Variants in FRY observed in about 807,000 individuals in gnomAD.
FRY encodes the protein FRY microtubule binding protein.
In FRY, 128 loss-of-function variants were observed where a neutral mutation model predicts 348.4. The observed-to-expected ratio is 0.37, with a 90% CI of 0.32 to 0.43. The LOEUF is 0.43. Among genes scored for constraint, FRY ranks in the 20% least tolerant of loss-of-function variants. The pLI is 1.00. For synonymous variants in FRY, 1,370 were observed against 1,374.7 expected, an observed-to-expected ratio of 1.00 and a Z score of 0.08; for missense variants, 2,736 against 3,695.2, an observed-to-expected ratio of 0.74 and a Z score of 6.73.
intron 11 of FRY, among the ~76,000 whole-genome samples, chr13:32,139,177 T>C (rs1879902558): frequency 6.6e-6 from 1 of 152,164 alleles, no homozygotes; most frequent in South Asian, 2.1e-4. Context: ...CTTCCAAACC[T>C]CTTGAGTCCT....
At position 32,208,918 on chromosome 13, in the gene FRY, C is replaced by T. The variant is rs760582119; in HGVS notation, c.4084C>T (p.Pro1362Ser). 3 of 1,614,188 alleles carry T rather than the reference C, an allele frequency of 1.9e-6. No homozygotes were observed. The highest frequency in any genetic ancestry group is 4.5e-5 in the East Asian group (2 of 44,880). The change falls in exon 32 of 61, where the codon CCC becomes TCC. Residue 1362 changes from proline (P) to serine (S), a missense_variant. Physicochemically the swap from Pro to Ser is moderately conservative, Grantham distance 74 (BLOSUM62 -1). Transcript: ENST00000542859. Reference sequence around the variant, plus strand: ...CCAGATCATGCTTACCTACCTGCTGCCCTGGCTGCACAACATCGAGCTGGT... The same window carrying T: ...CCAGATCATGCTTACCTACCTGCTGTCCTGGCTGCACAACATCGAGCTGGT... ...GRQIMLTYLL[P>S]WLHNIELVDS...
chr13:32,033,358 T>G (rs1872342096), intron 1 of FRY, among the ~76,000 whole-genome samples: 1 of 152,132 alleles, frequency 6.6e-6, no homozygotes, highest in Non-Finnish European at 1.5e-5. Context: ...CAGTACGTGG[T>G]TTTTAAACAT....
At chr13:32,223,988 C>A (rs1885450577) in intron 36 of FRY, among the ~76,000 whole-genome samples, 1 of 152,066 alleles carries the variant, frequency 6.6e-6, no homozygotes, top group African/African-American at 2.4e-5. Flanking sequence ...CCACCCACCT[C>A]AGCCTCCCAA....
intron 59 of FRY, among the ~76,000 whole-genome samples, chr13:32,290,608 G>A (rs1302743517): frequency 6.6e-6 from 1 of 152,120 alleles, no homozygotes; most frequent in Non-Finnish European, 1.5e-5. Flanking sequence ...CATAAGACAT[G>A]CCGCACCTAG....
chr13:32,157,839 G>T (rs983089476), intron 16 of FRY, among the ~76,000 whole-genome samples: 4 of 152,146 alleles, frequency 2.6e-5, no homozygotes, highest in African/African-American at 9.7e-5. Flanking sequence ...AGCATGCGTA[G>T]CTTCAAATGT....
intron 22 of FRY, 91 bp downstream of exon 22, chr13:32,179,124 C>A: frequency 1.1e-6 from 1 of 904,844 alleles, no homozygotes; most frequent in Admixed American, 2.0e-5. Flanking sequence ...ACTGTGCCTG[C>A]CATCTGGAGT....
In FRY at chr13:32,131,608, G is replaced by A. The variant is rs1267930722; in HGVS notation, c.717-64G>A. On this transcript the variant is annotated intron_variant, in intron 7 of 60. Coordinates refer to ENST00000542859, the MANE Select transcript of FRY (RefSeq NM_023037.3). Reference sequence around the variant, plus strand: ...TCTGCTCAATCACTCCCAGATGCTGGAGGCCCCCATTACAGGGACTTTCCT... The same window carrying A: ...TCTGCTCAATCACTCCCAGATGCTGAAGGCCCCCATTACAGGGACTTTCCT... 8.1e-6 allele frequency: 9 copies of A among 1,112,382 alleles called. No homozygotes were observed. The Admixed American group carries it at 1.5e-4, about 19-fold the overall frequency. The allele number at this position is 1,112,382 out of a possible 1,614,324, so 68.9% of individuals were successfully genotyped here.
intron 14 of FRY, 102 bp downstream of exon 14, chr13:32,149,936 A>G: frequency 1.3e-6 from 1 of 755,592 alleles, no homozygotes; most frequent in Non-Finnish European, 2.4e-6. Context: ...TCTTCTCACA[A>G]AGTCTTCTAT....
chr13:32,151,383 A>G (rs377133409), intron 14 of FRY, among the ~76,000 whole-genome samples: 74 of 152,358 alleles, frequency 4.9e-4, no homozygotes, highest in African/African-American at 1.6e-3. Flanking sequence ...GGAATAATTC[A>G]TTTATCAGTA....
At chr13:32,122,336 G>A (rs111855420) in intron 4 of FRY, among the ~76,000 whole-genome samples, 12,349 of 151,688 alleles carry the variant, frequency 0.081, 543 homozygotes, top group African/African-American at 0.13. Flanking sequence ...CCAGCTACTC[G>A]GGAGGCTGAG....
intron 2 of FRY, among the ~76,000 whole-genome samples, chr13:32,082,171 T>C (rs1478490056): frequency 6.7e-6 from 1 of 149,432 alleles, no homozygotes; most frequent in Non-Finnish European, 1.5e-5. Flanking sequence ...AACTTTAAAT[T>C]AAAGCTTAAG....
chr13:32,077,051 A>G (rs1043602100), intron 1 of FRY, among the ~76,000 whole-genome samples: 1 of 152,202 alleles, frequency 6.6e-6, no homozygotes, highest in Non-Finnish European at 1.5e-5. Flanking sequence ...TGGCTCTGAA[A>G]GAAGAGGAGG....
chr13:32,094,413 C>T (rs138604028), intron 2 of FRY, among the ~76,000 whole-genome samples: 33 of 152,090 alleles, frequency 2.2e-4, no homozygotes, highest in Admixed American at 3.9e-4. Context: ...AATTATTATT[C>T]GCTATCATCA....
chr13:32,276,562 T>C lies in FRY; in HGVS notation c.8385T>C (p.Ser2795=), dbSNP rs753519561. The change falls in exon 57 of 61, where the codon TCT becomes TCC. Residue 2795 remains serine, a splice_region_variant and synonymous_variant. Coordinates refer to ENST00000542859, the MANE Select transcript of FRY (RefSeq NM_023037.3). ...TYNNRKEATL[S]WLANCKATFA... is the part of the protein sequence containing the mutation. The stretch of plus-strand genomic sequence containing the variant: ...ACAACAGGAAAGAGGCCACACTCTC[T>C]GTAAGCTTTTGTGTTTCTATGCATA... 1.3e-6 allele frequency: 2 copies of C among 1,506,866 alleles called. No individual in the cohort carries two copies. Among genetic ancestry groups the C allele is most frequent in the South Asian group, 2.3e-5 (2 of 88,886 alleles). 93.3% of individuals were successfully genotyped at this position (1,506,866 alleles called of 1,614,324 possible). A position where few individuals can be genotyped will look rare whatever the true frequency, so the allele number is the denominator to read the frequency against.
chr13:32,265,756 C>T, intron 54 of FRY, 140 bp downstream of exon 54: 1 of 850,160 alleles, frequency 1.2e-6, no homozygotes, highest in Admixed American at 2.0e-5. Context: ...TCATGGCAGG[C>T]TCTCAGCTGA....
chr13:32,047,717 C>T (rs2138387677), intron 1 of FRY, among the ~76,000 whole-genome samples: 1 of 136,152 alleles, frequency 7.3e-6, no homozygotes, highest in East Asian at 2.0e-4. Context: ...ATTATAGGCA[C>T]GCACCACCAC....
chr13:32,217,929 T>C (rs1029023574), intron 35 of FRY, among the ~76,000 whole-genome samples: 5 of 152,188 alleles, frequency 3.3e-5, no homozygotes, highest in African/African-American at 1.2e-4. Context: ...CAGAGAGTCT[T>C]TCTGGTGACA....
intron 35 of FRY, among the ~76,000 whole-genome samples, chr13:32,217,580 G>A (rs529795255): frequency 6.6e-6 from 1 of 152,286 alleles, no homozygotes; most frequent in South Asian, 2.1e-4. Flanking sequence ...TCCCCAGGGA[G>A]GTAGAGGCCT....
At chr13:32,095,472 A>G (rs548536886) in intron 2 of FRY, among the ~76,000 whole-genome samples, 2 of 146,338 alleles carry the variant, frequency 1.4e-5, no homozygotes, top group African/African-American at 5.1e-5. Context: ...TCAGCCTCCC[A>G]AGTGGCTGGG....
Sources: allele counts gnomAD v4.1 joint callset (sites outside exome capture counted in the v4.1 genomes callset), GRCh38; gene constraint gnomAD v4.1.1; transcripts MANE v1.5; gene names NCBI Gene and HGNC (gene_info 2026-07-23, HGNC 2026-07-21).